PCTP: variants seen among roughly 807,000 people sequenced by gnomAD.
PCTP encodes the protein START domain-containing protein 2.
PCTP carries 27 observed loss-of-function variants against 31.0 expected under a neutral mutation model. The observed-to-expected ratio is 0.87, with a 90% confidence interval of 0.64 to 1.20. PCTP has a LOEUF of 1.20. Ranked by LOEUF, PCTP falls within the 50% of genes most tolerant of loss-of-function variation. The pLI is 0.00. For missense variants in PCTP, 287 were observed against 268.2 expected, an observed-to-expected ratio of 1.07 and a Z score of -0.49; for synonymous variants, 108 against 101.2, an observed-to-expected ratio of 1.07 and a Z score of -0.40.
intron 2 of PCTP, chr17:55,769,439 G>A (rs183673558): frequency 3.9e-5 from 6 of 152,348 alleles, no homozygotes; most frequent in Non-Finnish European, 5.9e-5. Flanking sequence ...CTGCCAATAA[G>A]ACCCACATGT....
At chr17:55,847,391 G>C (rs187094688), downstream of PCTP, among the ~76,000 whole-genome samples, 79 of 152,356 alleles carry the variant, frequency 5.2e-4, no homozygotes, top group East Asian at 0.014. Flanking sequence ...TTGGTGAGAA[G>C]TGATTGGATC....
At chr17:55,818,645 T>C (rs928199712) in intron 3 of PCTP, among the ~76,000 whole-genome samples, 8 of 152,120 alleles carry the variant, frequency 5.3e-5, no homozygotes, top group Non-Finnish European at 1.2e-4. Flanking sequence ...TGGAATTAAA[T>C]TGGGTACAGG....
chr17:55,800,207 C>T (rs1912328186), intron 3 of PCTP, among the ~76,000 whole-genome samples: 1 of 152,116 alleles, frequency 6.6e-6, no homozygotes, highest in African/African-American at 2.4e-5. Flanking sequence ...CTTTCAGGTA[C>T]ACCAATCAAA....
Position 55,801,164 on chromosome 17 carries a change from C to G in PCTP, c.317+13510C>G, listed in dbSNP as rs564258261. On this transcript the variant is annotated intron_variant, in intron 3 of 3. Coordinates refer to the PCTP transcript ENST00000572536. ...GGATCAAAGCAACAAGAAGAGCTAA[C>G]TAACCTAAATATATATGCACCCAAT... is the stretch of plus-strand genomic sequence containing the variant. Among the ~76,000 whole-genome samples the G allele has an allele frequency of 2.5e-4, 38 of 152,128 alleles. 1 individual carries two copies. The highest frequency in any genetic ancestry group is 2.1e-4 in the Non-Finnish European group (14 of 68,014).
Position 55,767,472 on chromosome 17 carries a change from CTT to C in PCTP, c.259+29_259+30del, listed in dbSNP as rs57156382. 1,162 of 1,297,910 alleles carry C rather than the reference CTT, an allele frequency of 9.0e-4. No individual in the cohort carries two copies. Among genetic ancestry groups the C allele is most frequent in the Non-Finnish European group, 9.7e-4 (890 of 915,626 alleles). 80.4% of individuals were successfully genotyped at this position (1,297,910 alleles called of 1,614,324 possible). The stretch of plus-strand genomic sequence containing the variant: ...TTAAAGGTGAGTGATGCTTGCTTTT[CTT>C]TTTTTTTTAGACGTACTTTCACTTT... On this transcript the variant is annotated intron_variant, in intron 2 of 5. Transcript: ENST00000268896.
At chr17:55,803,611 A>G (rs1163208512) in intron 3 of PCTP, among the ~76,000 whole-genome samples, 1 of 152,232 alleles carries the variant, frequency 6.6e-6, no homozygotes, top group Non-Finnish European at 1.5e-5. Context: ...CAATGGGGAA[A>G]GGATTCCCTA....
At chr17:55,846,913 G>T (rs11079198), downstream of PCTP, among the ~76,000 whole-genome samples, 39,418 of 152,008 alleles carry the variant, frequency 0.26, 7,510 homozygotes, top group African/African-American at 0.53. Context: ...TCATTTTCCT[G>T]CCATTGAGTT....
At position 55,776,549 on chromosome 17, in the gene PCTP, G is replaced by C. The variant is rs147250048; in HGVS notation, c.*449G>C. 4 of 1,232,094 alleles carry C rather than the reference G, an allele frequency of 3.2e-6. No individual in the cohort carries two copies. The African/African-American group carries it at 4.6e-5, about 14-fold the overall frequency. 76.3% of individuals were successfully genotyped at this position (1,232,094 alleles called of 1,614,324 possible). ...CTTTTGCAGCTTGTGATTTCTTCCA[G>C]CTTGGGAGGGGCTGCTGGAAGTGGC... On this transcript the variant is annotated 3_prime_UTR_variant, in exon 6 of 6. Transcript: ENST00000268896.
At chr17:55,822,769 C>A (rs1905277289) in exon 4 of PCTP, 5 of 1,231,112 alleles carry the variant, frequency 4.1e-6, no homozygotes, top group African/African-American at 1.6e-5. Flanking sequence ...AGAATCAGAG[C>A]AGAACCAAGC....
At chr17:55,827,613 T>G (rs1218042090), downstream of PCTP, among the ~76,000 whole-genome samples, 2 of 152,246 alleles carry the variant, frequency 1.3e-5, no homozygotes, top group Non-Finnish European at 2.9e-5. Flanking sequence ...GAACTTGTTT[T>G]GTTGTTATCA....
intron 3 of PCTP, among the ~76,000 whole-genome samples, chr17:55,797,116 G>A (rs1036474489): frequency 8.6e-5 from 13 of 151,858 alleles, no homozygotes; most frequent in African/African-American, 1.2e-4. Context: ...CGTAAAATTC[G>A]ACCCTCTACC....
intron 5 of PCTP, among the ~76,000 whole-genome samples, chr17:55,775,140 A>G (rs1382626376): frequency 1.3e-5 from 2 of 152,140 alleles, no homozygotes; most frequent in South Asian, 2.1e-4. Flanking sequence ...ACTTCTGGAC[A>G]ATAGTCTGCT....
intron 4 of PCTP, among the ~76,000 whole-genome samples, chr17:55,774,234 A>G (rs1338052542): frequency 6.6e-6 from 1 of 152,202 alleles, no homozygotes. Context: ...AGGGTAGGCA[A>G]GAAAGCTGGC....
chr17:55,792,236 G>A (rs1359692330), intron 3 of PCTP, among the ~76,000 whole-genome samples: 5 of 149,384 alleles, frequency 3.3e-5, no homozygotes, highest in Non-Finnish European at 5.9e-5. Context: ...CAGCACACCA[G>A]CATGGCACAT....
intron 3 of PCTP, among the ~76,000 whole-genome samples, chr17:55,790,545 C>T (rs1911922592): frequency 6.8e-6 from 1 of 146,184 alleles, no homozygotes; most frequent in African/African-American, 2.5e-5. Context: ...GAGTGAACTC[C>T]CATTCACAAT....
chr17:55,820,438 T>C (rs1435169879), intron 3 of PCTP, among the ~76,000 whole-genome samples: 1 of 152,202 alleles, frequency 6.6e-6, no homozygotes, highest in East Asian at 1.9e-4. Flanking sequence ...AATAGTGCCT[T>C]GTTATTAGGT....
chr17:55,798,311 G>A (rs1052109905), intron 3 of PCTP, among the ~76,000 whole-genome samples: 3 of 151,954 alleles, frequency 2.0e-5, no homozygotes, highest in Non-Finnish European at 4.4e-5. Flanking sequence ...AAAGATTGTG[G>A]CTGAACAGCT....
intron 3 of PCTP, among the ~76,000 whole-genome samples, chr17:55,790,287 T>G (rs1437563411): frequency 1.3e-5 from 2 of 152,082 alleles, no homozygotes; most frequent in African/African-American, 4.8e-5. Flanking sequence ...CAACATAGTG[T>G]TGGAAGTTCT....
intron 1 of PCTP, chr17:55,751,486 C>T: frequency 6.5e-7 from 1 of 1,526,868 alleles, no homozygotes; most frequent in Non-Finnish European, 8.8e-7. Flanking sequence ...AGGTCAGGCC[C>T]GACGGGGCAT....
Sources: gnomAD v4.1 joint callset for allele counts (sites outside exome capture counted in the v4.1 genomes callset) on GRCh38, gnomAD v4.1.1 for gene constraint, MANE v1.5 for transcripts, NCBI Gene and HGNC (gene_info 2026-07-23, HGNC 2026-07-21) for gene names.